ZNF207: variants seen among roughly 807,000 people sequenced by gnomAD.
ZNF207 encodes zinc finger protein 207, also known as BUB3-interacting and GLEBS motif-containing protein ZNF207.
In ZNF207, 24 loss-of-function variants were observed where a neutral mutation model predicts 60.2. That is an observed-to-expected ratio of 0.40 (90% CI 0.29 to 0.56). The LOEUF is 0.56. Among genes scored for constraint, ZNF207 ranks in the 20% least tolerant of loss-of-function variants. ZNF207 has a pLI of 0.49. For synonymous variants in ZNF207, 236 were observed against 194.7 expected (o/e 1.21, Z -1.77); for missense variants, 452 against 636.6 (o/e 0.71, Z 3.12).
chr17:32,365,306 T>A, intron 7 of ZNF207, 24 bp from the exon 8 acceptor site: 1 of 1,590,140 alleles, frequency 6.3e-7, no homozygotes, highest in Non-Finnish European at 8.6e-7. Context: ...TGACTCAATT[T>A]CCCCAAACAT....
In ZNF207 at chr17:32,375,340, TC is replaced by T. The variant is rs368465764; in HGVS notation, c.*5583del. On this transcript the variant is annotated 3_prime_UTR_variant, in exon 12 of 12. Transcript: ENST00000394670. ...GATCTGTTTTCTCTATTACCTACCA[TC>T]CTGCAATATGCTGAAATCTTTCTAA... 7.2e-4 allele frequency: 110 copies of T among 152,314 alleles called. No individual in the cohort carries two copies. The highest frequency in any genetic ancestry group is 2.6e-3 in the African/African-American group (109 of 41,560). The allele number at this position is 152,314 out of a possible 1,614,324, so 9.4% of individuals were successfully genotyped here.
Position 32,370,237 on chromosome 17 carries a change from TG to T in ZNF207, c.*479del, listed in dbSNP as rs1905406294. 6.5e-6 allele frequency: 1 copy of T among 152,822 alleles called. No individual in the cohort carries two copies. The highest frequency in any genetic ancestry group is 1.5e-5 in the Non-Finnish European group (1 of 68,164). 9.5% of individuals were successfully genotyped at this position (152,822 alleles called of 1,614,324 possible). The stretch of plus-strand genomic sequence containing the variant: ...AGTCTGAATGTGTAACAATATTTAA[TG>T]TATTTAGAGTTCCTCATGTTGCAGG... On this transcript the variant is annotated 3_prime_UTR_variant, in exon 12 of 12. Coordinates refer to ENST00000394670, the MANE Select transcript of ZNF207 (RefSeq NM_001098507.2).
intron 6 of ZNF207, 129 bp downstream of exon 6, chr17:32,361,644 C>CTAAT: frequency 1.4e-6 from 1 of 723,012 alleles, no homozygotes; most frequent in East Asian, 3.0e-5. Context: ...AACTTGCAAG[C>CTAAT]TAATTAACAC....
rs1346756330 is a variant in ZNF207, at chr17:32,381,080, A to G, written c.*11321A>G. Reference sequence around the variant, plus strand: ...CAAGTGTTCAATTACTACACCAGGAAAGATTGATTATTTCTGAGGAAAAGG... The same window carrying G: ...CAAGTGTTCAATTACTACACCAGGAGAGATTGATTATTTCTGAGGAAAAGG... On this transcript the variant is annotated 3_prime_UTR_variant, in exon 12 of 12. Coordinates refer to ENST00000394670, the MANE Select transcript of ZNF207 (RefSeq NM_001098507.2). The G allele has an allele frequency of 6.6e-6, 1 of 152,262 alleles. No homozygotes were observed. Among genetic ancestry groups the G allele is most frequent in the Non-Finnish European group, 1.5e-5 (1 of 68,050 alleles). The allele number at this position is 152,262 out of a possible 1,614,324, so 9.4% of individuals were successfully genotyped here. A position where few individuals can be genotyped will look rare whatever the true frequency, so the allele number is the denominator to read the frequency against.
Position 32,358,650 on chromosome 17 carries a change from T to G in ZNF207, c.307+9T>G. 6.9e-7 allele frequency: 1 copy of G among 1,450,728 alleles called. No individual in the cohort carries two copies. The highest frequency in any genetic ancestry group is 1.5e-5 in the African/African-American group (1 of 67,648). The allele number at this position is 1,450,728 out of a possible 1,614,324, so 89.9% of individuals were successfully genotyped here. A position where few individuals can be genotyped will look rare whatever the true frequency, so the allele number is the denominator to read the frequency against. On this transcript the variant is annotated intron_variant, in intron 3 of 11. Coordinates refer to ENST00000394670, the MANE Select transcript of ZNF207 (RefSeq NM_001098507.2). ...TGAACAGAAAACACAAGGTAAATAT[T>G]GGGATAAGTTTTATTTTATTTATTT...
rs1164871170 is a variant in ZNF207, at chr17:32,370,728, C to G, written c.*969C>G. 1.3e-5 allele frequency: 2 copies of G among 152,158 alleles called. No homozygotes were observed. Among genetic ancestry groups the G allele is most frequent in the Non-Finnish European group, 2.9e-5 (2 of 68,034 alleles). 9.4% of individuals were successfully genotyped at this position (152,158 alleles called of 1,614,324 possible). A position where few individuals can be genotyped will look rare whatever the true frequency, so the allele number is the denominator to read the frequency against. ...AGCCTAGTGCCAGACCCATTCATTT[C>G]CTTTTGATTATTTTTGAGACTCAGT... On this transcript the variant is annotated 3_prime_UTR_variant, in exon 12 of 12. Transcript: ENST00000394670.
chr17:32,370,627 G>A lies in ZNF207; in HGVS notation c.*868G>A, dbSNP rs1905425744. On this transcript the variant is annotated 3_prime_UTR_variant, in exon 12 of 12. Transcript: ENST00000394670. Reference sequence around the variant, plus strand: ...TATAATCACCCTTCCACCCTCTATGGTGTCAGTACACATCACGTGTCATAG... The same window carrying A: ...TATAATCACCCTTCCACCCTCTATGATGTCAGTACACATCACGTGTCATAG... 6.6e-6 allele frequency: 1 copy of A among 152,166 alleles called. No individual in the cohort carries two copies. The highest frequency in any genetic ancestry group is 1.5e-5 in the Non-Finnish European group (1 of 68,036). 9.4% of individuals were successfully genotyped at this position (152,166 alleles called of 1,614,324 possible).
At position 32,379,582 on chromosome 17, in the gene ZNF207, C is replaced by G. The variant is rs1905804011; in HGVS notation, c.*9823C>G. Reference sequence around the variant, plus strand: ...TTGCATAGGTGTAAAATTAAGATACCAGAACTTCATTCTGTTCTTGTTGAA... The same window carrying G: ...TTGCATAGGTGTAAAATTAAGATACGAGAACTTCATTCTGTTCTTGTTGAA... On this transcript the variant is annotated 3_prime_UTR_variant, in exon 12 of 12. Transcript: ENST00000394670. The G allele has an allele frequency of 6.6e-6, 1 of 151,906 alleles. No individual in the cohort carries two copies. Among genetic ancestry groups the G allele is most frequent in the Non-Finnish European group, 1.5e-5 (1 of 67,952 alleles). 9.4% of individuals were successfully genotyped at this position (151,906 alleles called of 1,614,324 possible).
At position 32,375,573 on chromosome 17, in the gene ZNF207, G is replaced by T. The variant is rs1438704364; in HGVS notation, c.*5814G>T. 6.6e-6 allele frequency: 1 copy of T among 151,910 alleles called. No individual in the cohort carries two copies. Among genetic ancestry groups the T allele is most frequent in the Non-Finnish European group, 1.5e-5 (1 of 67,924 alleles). The allele number at this position is 151,910 out of a possible 1,614,324, so 9.4% of individuals were successfully genotyped here. A position where few individuals can be genotyped will look rare whatever the true frequency, so the allele number is the denominator to read the frequency against. ...ATTTTGAGAATTATGTAGTTTTTAG[G>T]TGTCTGTAACATCCACTAGTAAAAC... On this transcript the variant is annotated 3_prime_UTR_variant, in exon 12 of 12. Transcript: ENST00000394670.
intron 10 of ZNF207, 90 bp from the exon 11 acceptor site, chr17:32,369,205 C>CTT (rs1555609011): frequency 6.8e-7 from 1 of 1,470,594 alleles, no homozygotes; most frequent in Non-Finnish European, 9.2e-7. Flanking sequence ...GAAAATTACT[C>CTT]TTAACGTTGT....
intron 2 of ZNF207, among the ~76,000 whole-genome samples, chr17:32,354,639 C>T (rs1320378749): frequency 1.3e-5 from 2 of 150,262 alleles, no homozygotes; most frequent in Non-Finnish European, 3.0e-5. Flanking sequence ...TTTCTTGAGA[C>T]GGAGTCTCTT....
At chr17:32,362,489 ACATT>A (rs1455394271) in intron 6 of ZNF207, among the ~76,000 whole-genome samples, 1 of 152,218 alleles carries the variant, frequency 6.6e-6, no homozygotes, top group African/African-American at 2.4e-5. Context: ...TTCACAGGGT[ACATT>A]CATTCAATCT....
chr17:32,367,998 A>T lies in ZNF207; in HGVS notation c.1148A>T (p.Asp383Val). The T allele has an allele frequency of 6.2e-7, 1 of 1,614,182 alleles. No homozygotes were observed. Among genetic ancestry groups the T allele is most frequent in the Non-Finnish European group, 8.5e-7 (1 of 1,180,020 alleles). Residue 383 changes from aspartate to valine, a missense_variant, in exon 10 of 12, where the codon GAT becomes GTT. Physicochemically the swap from Asp to Val is radical, Grantham distance 152 (BLOSUM62 -3). Around this residue, in one of 2 missense-constraint regions of ZNF207, gnomAD observed 390 missense variants for 461.4 expected, o/e 0.85. Transcript: ENST00000394670. ...GCAACCAGTAAGTTGATCCATCCAG[A>T]TGAGGATATATCCCTGGTAAGTTGC... is the stretch of plus-strand genomic sequence containing the variant. ...TSATSKLIHP[D>V]EDISLEERRA...
chr17:32,379,294 G>A lies in ZNF207; in HGVS notation c.*9535G>A, dbSNP rs1046082705. 30 of 151,946 alleles carry A rather than the reference G, an allele frequency of 2.0e-4. No individual in the cohort carries two copies. Among genetic ancestry groups the A allele is most frequent in the Non-Finnish European group, 4.3e-4 (29 of 67,930 alleles). 9.4% of individuals were successfully genotyped at this position (151,946 alleles called of 1,614,324 possible). A position where few individuals can be genotyped will look rare whatever the true frequency, so the allele number is the denominator to read the frequency against. ...TAGGACACTTTGATTAAAGAGGTGA[G>A]CACTCTGAATTTCTACATCTTTGGA... On this transcript the variant is annotated 3_prime_UTR_variant, in exon 12 of 12. Coordinates refer to ENST00000394670, the MANE Select transcript of ZNF207 (RefSeq NM_001098507.2).
At chr17:32,352,836 T>C (rs969496447) in intron 2 of ZNF207, among the ~76,000 whole-genome samples, 3 of 152,362 alleles carry the variant, frequency 2.0e-5, no homozygotes, top group Middle Eastern at 3.4e-3. Flanking sequence ...CCTGGGATTA[T>C]GGGCATGAGC....
At chr17:32,354,009 G>T (rs530508142) in intron 2 of ZNF207, among the ~76,000 whole-genome samples, 2 of 152,158 alleles carry the variant, frequency 1.3e-5, no homozygotes, top group South Asian at 4.1e-4. Context: ...GATTGACAGG[G>T]TCTCATTCTG....
rs114987811 is a variant in ZNF207, at chr17:32,350,665, A to G, written c.41+339A>G. ...TCCGTTGTTTTGGTGACGATTCAAC[A>G]AGGGACTTTTCTTCGAGTGCGATAG... On this transcript the variant is annotated intron_variant, in intron 1 of 11. Transcript: ENST00000394670. Among the ~76,000 whole-genome samples the G allele has an allele frequency of 7.2e-3, 1,099 of 152,244 alleles. 12 individuals are homozygous for G. The highest frequency in any genetic ancestry group is 0.023 in the African/African-American group (968 of 41,546).
In ZNF207 at chr17:32,379,014, A is replaced by G. The variant is rs1905782033; in HGVS notation, c.*9255A>G. 1 of 152,126 alleles carries G rather than the reference A, an allele frequency of 6.6e-6. No individual in the cohort carries two copies. The highest frequency in any genetic ancestry group is 2.4e-5 in the African/African-American group (1 of 41,450). 9.4% of individuals were successfully genotyped at this position (152,126 alleles called of 1,614,324 possible). On this transcript the variant is annotated 3_prime_UTR_variant, in exon 12 of 12. Transcript: ENST00000394670. ...AAAACAGATTATATGGAAATTGTGC[A>G]TATTGCTAAATTTTAAAACATGGAT... is the stretch of plus-strand genomic sequence containing the variant.
Position 32,380,984 on chromosome 17 carries a change from G to A in ZNF207, c.*11225G>A, listed in dbSNP as rs1158204050. On this transcript the variant is annotated 3_prime_UTR_variant, in exon 12 of 12. Transcript: ENST00000394670. ...AAAAAAAAAGAAAAAAAGAAAAAGTGATAAGATTTGGGAGTCTATTCCCTG... is the reference window on the plus strand; with the variant it reads ...AAAAAAAAAGAAAAAAAGAAAAAGTAATAAGATTTGGGAGTCTATTCCCTG... 1 of 152,008 alleles carries A rather than the reference G, an allele frequency of 6.6e-6. No homozygotes were observed. The highest frequency in any genetic ancestry group is 1.5e-5 in the Non-Finnish European group (1 of 67,974). 9.4% of individuals were successfully genotyped at this position (152,008 alleles called of 1,614,324 possible).
Sources: allele counts gnomAD v4.1 joint callset (sites outside exome capture counted in the v4.1 genomes callset), GRCh38; gene constraint gnomAD v4.1.1; regional missense constraint gnomAD v4.1.1; transcripts MANE v1.5; gene names NCBI Gene and HGNC (gene_info 2026-07-23, HGNC 2026-07-21).